NTMT1: variants seen among roughly 807,000 people sequenced by gnomAD.
NTMT1 encodes the protein N-terminal Xaa-Pro-Lys N-methyltransferase 1, also known as N-terminal RCC1 methyltransferase.
Under a neutral mutation model 17.5 loss-of-function variants are expected in NTMT1, and 8 were observed. That is an observed-to-expected ratio of 0.46 (90% CI 0.27 to 0.82). The LOEUF is 0.82. NTMT1 is among the 40% of genes least tolerant of loss of function. The pLI is 0.15. For synonymous variants in NTMT1, 128 were observed against 126.8 expected (o/e 1.01, Z -0.06); for missense variants, 221 against 303.5 (o/e 0.73, Z 2.02).
At chr9:129,624,098 T>C (rs1413340751), upstream of NTMT1, among the ~76,000 whole-genome samples, 1 of 151,954 alleles carries the variant, frequency 6.6e-6, no homozygotes. Flanking sequence ...CTGGCCTAAC[T>C]AGATGGTTTC....
chr9:129,617,683 G>T (rs7849954), intron 1 of NTMT1, among the ~76,000 whole-genome samples: 77,331 of 143,486 alleles, frequency 0.54, 20,334 homozygotes, highest in Non-Finnish European at 0.61. Flanking sequence ...CACTGTTTTT[G>T]TTTGTTTGTT....
In NTMT1 at chr9:129,613,669, C is replaced by T. The variant is rs1246077839; in HGVS notation, c.-55+4491C>T. 1.9e-6 allele frequency: 3 copies of T among 1,586,048 alleles called. No individual in the cohort carries two copies. Among genetic ancestry groups the T allele is most frequent in the East Asian group, 4.5e-5 (2 of 44,672 alleles). On this transcript the variant is annotated intron_variant, in intron 1 of 3. Transcript: ENST00000372486. The surrounding 1 kb of genome is among the most constrained non-coding windows in gnomAD (Gnocchi z 6.2). ...CTGGTGCCCCCACCCTCTTTTCCTC[C>T]CTCTGGCAGGCAGGGCCGGTCAGAG... is the stretch of plus-strand genomic sequence containing the variant.
chr9:129,609,074 G>C (rs527471937), exon 1 of NTMT1: 1 of 152,476 alleles, frequency 6.6e-6, no homozygotes, highest in East Asian at 1.9e-4. Flanking sequence ...GCTGTACAGA[G>C]AGCGGCTTAG....
At chr9:129,626,036 A>G (rs1412913787), upstream of NTMT1, 1 of 151,074 alleles carries the variant, frequency 6.6e-6, no homozygotes, top group African/African-American at 2.4e-5. Context: ...AAAAATTTAA[A>G]TTATTTTTCA....
At chr9:129,612,084 C>T (rs2118846303) in intron 1 of NTMT1, 1 of 424,566 alleles carries the variant, frequency 2.4e-6, no homozygotes, top group Non-Finnish European at 4.4e-6. Context: ...CAGGGTCTCC[C>T]ACCTTCCAGA....
chr9:129,631,563 A>C (rs1379669731), intron 1 of NTMT1, among the ~76,000 whole-genome samples: 1 of 152,194 alleles, frequency 6.6e-6, no homozygotes, highest in African/African-American at 2.4e-5. Flanking sequence ...CGCCGCCAGC[A>C]GTCTTCAGAA....
At chr9:129,634,924 G>A (rs1368314774) in intron 3 of NTMT1, 7 of 428,150 alleles carry the variant, frequency 1.6e-5, no homozygotes, top group Non-Finnish European at 3.0e-5. Context: ...CCTGGCAGGG[G>A]TGGGGCATCA....
At chr9:129,625,251 G>A (rs939695842), upstream of NTMT1, among the ~76,000 whole-genome samples, 5 of 152,244 alleles carry the variant, frequency 3.3e-5, no homozygotes, top group Admixed American at 1.3e-4. Context: ...CACGCTTTTG[G>A]AATGGAAACG....
At chr9:129,609,182 A>T (rs1262442241) in intron 1 of NTMT1, 1 of 152,444 alleles carries the variant, frequency 6.6e-6, no homozygotes, top group African/African-American at 2.4e-5. Context: ...CGCCCAGGTG[A>T]GACCGCCTGA....
chr9:129,633,281 G>T, intron 2 of NTMT1: 3 of 344,812 alleles, frequency 8.7e-6, no homozygotes, highest in Non-Finnish European at 1.6e-5. Context: ...ACCAGGCTGG[G>T]ACCCCCAGTC....
intron 1 of NTMT1, among the ~76,000 whole-genome samples, chr9:129,610,317 G>A (rs534725263): frequency 6.9e-6 from 1 of 145,470 alleles, no homozygotes; most frequent in African/African-American, 2.5e-5. Context: ...CCCCACCGGC[G>A]TGGTGCCCCC....
chr9:129,614,577 T>C lies in NTMT1; in HGVS notation c.-55+5399T>C, dbSNP rs939473492. The stretch of plus-strand genomic sequence containing the variant: ...TTATACCAGAGTAAGAACAGGGACT[T>C]CTCGCCTGCTTCTCGAGACACACTT... On this transcript the variant is annotated intron_variant, in intron 1 of 3. Transcript: ENST00000372486. This position sits in a 1 kb window ranked among gnomAD's most constrained non-coding sequence, Gnocchi z 4.4. Among the ~76,000 whole-genome samples, 1 of 152,186 alleles carries C rather than the reference T, an allele frequency of 6.6e-6. No individual in the cohort carries two copies. Among genetic ancestry groups the C allele is most frequent in the Non-Finnish European group, 1.5e-5 (1 of 68,040 alleles).
upstream of NTMT1, among the ~76,000 whole-genome samples, chr9:129,625,299 T>A (rs917536931): frequency 2.6e-5 from 4 of 152,224 alleles, no homozygotes; most frequent in African/African-American, 9.6e-5. Flanking sequence ...GGGAATCCCA[T>A]GGCACTGCCG....
intron 2 of NTMT1, chr9:129,633,215 A>T: frequency 2.5e-6 from 1 of 403,736 alleles, no homozygotes; most frequent in Non-Finnish European, 4.4e-6. Flanking sequence ...CTGGACGAAG[A>T]CTCCTAGTTA....
chr9:129,619,933 G>A (rs954985950), intron 1 of NTMT1: 4 of 1,500,278 alleles, frequency 2.7e-6, no homozygotes, highest in Admixed American at 1.8e-5. Flanking sequence ...GACGGGTTGC[G>A]AGGGCTCTGA....
intron 1 of NTMT1, among the ~76,000 whole-genome samples, chr9:129,617,304 T>G (rs1022160917): frequency 1.3e-5 from 2 of 152,208 alleles, no homozygotes; most frequent in African/African-American, 4.8e-5. Context: ...CCTGGCTACA[T>G]GCCTTGGGAC....
chr9:129,615,917 C>T (rs151047469), intron 1 of NTMT1, among the ~76,000 whole-genome samples: 122 of 152,346 alleles, frequency 8.0e-4, no homozygotes, highest in African/African-American at 2.6e-3. Context: ...AACAGAGGCA[C>T]AGAGACTATT....
At chr9:129,622,529 TA>T (rs1448334055), upstream of NTMT1, among the ~76,000 whole-genome samples, 5 of 152,114 alleles carry the variant, frequency 3.3e-5, no homozygotes, top group Admixed American at 1.3e-4. Flanking sequence ...GTCTGGGTGC[TA>T]GGTGTGCTTC....
At chr9:129,612,198 G>A in intron 1 of NTMT1, 1 of 650,230 alleles carries the variant, frequency 1.5e-6, no homozygotes. Flanking sequence ...AACCCCCAGA[G>A]ACCAGCAACC....
Sources: allele counts gnomAD v4.1 joint callset (sites outside exome capture counted in the v4.1 genomes callset), GRCh38; gene constraint gnomAD v4.1.1; non-coding constraint Gnocchi (gnomAD v3.1); transcripts MANE v1.5; gene names NCBI Gene and HGNC (gene_info 2026-07-23, HGNC 2026-07-21).